Variants in PKNOX2 observed in about 807,000 individuals in gnomAD.
PKNOX2 encodes PBX/knotted 1 homeobox 2.
PKNOX2 carries 14 observed loss-of-function variants against 53.1 expected under a neutral mutation model. The ratio of observed to expected loss-of-function variants is 0.26; its 90% confidence interval spans 0.17 to 0.41. PKNOX2 has a LOEUF of 0.41. Ranked by LOEUF, PKNOX2 falls within the 10% of genes least tolerant of loss-of-function variation. The probability of loss-of-function intolerance (pLI) is 1.00; values close to 1 mark genes in which losing one functional copy is unlikely to be tolerated. For missense variants in PKNOX2, 496 were observed against 602.8 expected, an observed-to-expected ratio of 0.82 and a Z score of 1.85; for synonymous variants, 257 against 242.8, an observed-to-expected ratio of 1.06 and a Z score of -0.54.
chr11:125,410,813 C>G lies in PKNOX2; in HGVS notation c.753C>G (p.Thr251=). ...TATACCAACCGGTTACCATGGTAAC[C>G]TCCCAGGGTCAGGTGGTCACCCAAG... is the stretch of plus-strand genomic sequence containing the variant. ...GALYQPVTMV[T]SQGQVVTQAI... The change falls in exon 9 of 13, where the codon ACC becomes ACG. Residue 251 remains threonine (T), a synonymous_variant. Coordinates refer to ENST00000298282, the MANE Select transcript of PKNOX2 (RefSeq NM_001382323.2). The G allele has an allele frequency of 6.2e-7, 1 of 1,614,096 alleles. No homozygotes were observed. The highest frequency in any genetic ancestry group is 1.1e-5 in the South Asian group (1 of 91,076).
chr11:125,180,882 T>C lies in PKNOX2; in HGVS notation c.-201+16106T>C, dbSNP rs566625957. Among the ~76,000 whole-genome samples the C allele has an allele frequency of 3.3e-5, 5 of 152,338 alleles. No homozygotes were observed. In the East Asian group the frequency reaches 9.6e-4, roughly 29 times the overall value. ...CACGAGGTAAAATGAATGTTTTCTG[T>C]CAAGGTCAATCCACAGGAAATGATT... On this transcript the variant is annotated intron_variant, in intron 1 of 12. Coordinates refer to ENST00000298282, the MANE Select transcript of PKNOX2 (RefSeq NM_001382323.2).
chr11:125,259,653 T>G (rs910579330), intron 2 of PKNOX2, among the ~76,000 whole-genome samples: 1 of 152,186 alleles, frequency 6.6e-6, no homozygotes, highest in African/African-American at 2.4e-5. Flanking sequence ...CCTTGGCATG[T>G]CTTCCTTTGG....
intron 1 of PKNOX2, among the ~76,000 whole-genome samples, chr11:125,195,387 A>G (rs1957117480): frequency 6.6e-6 from 1 of 152,138 alleles, no homozygotes; most frequent in Non-Finnish European, 1.5e-5. Flanking sequence ...TATAAAACGA[A>G]AAGTTTTTAG....
intron 2 of PKNOX2, among the ~76,000 whole-genome samples, chr11:125,307,649 T>G (rs1189826560): frequency 1.3e-5 from 2 of 152,228 alleles, no homozygotes; most frequent in East Asian, 3.8e-4. Context: ...GTGTTCGATA[T>G]GTCCCTTAGG....
chr11:125,299,412 G>A (rs867427016), intron 2 of PKNOX2, among the ~76,000 whole-genome samples: 3 of 151,692 alleles, frequency 2.0e-5, no homozygotes, highest in East Asian at 2.0e-4. Context: ...GGCACAAGAC[G>A]AGGAGCCAGC....
intron 3 of PKNOX2, among the ~76,000 whole-genome samples, chr11:125,342,576 G>T (rs1402209939): frequency 6.6e-6 from 1 of 152,196 alleles, no homozygotes; most frequent in East Asian, 1.9e-4. Context: ...GTCTGTCTCT[G>T]TTGAGTTGTG....
At chr11:125,259,499 G>T (rs895036611) in intron 2 of PKNOX2, among the ~76,000 whole-genome samples, 5 of 152,166 alleles carry the variant, frequency 3.3e-5, no homozygotes, top group Admixed American at 2.6e-4. Flanking sequence ...GGCACCCTAA[G>T]TACCTCTGTT....
Position 125,372,950 on chromosome 11 carries a change from C to T in PKNOX2, c.227+4965C>T, listed in dbSNP as rs76330404. ...GTTTATAATGCACTTGTTTCTGTCT[C>T]ATGCAGACTGGATGGCAGAATCCAC... is the stretch of plus-strand genomic sequence containing the variant. On this transcript the variant is annotated intron_variant, in intron 5 of 12. Coordinates refer to ENST00000298282, the MANE Select transcript of PKNOX2 (RefSeq NM_001382323.2). 0.013 allele frequency among the ~76,000 whole-genome samples: 1,919 copies of T among 152,310 alleles called. 119 individuals carry two copies. In the East Asian group the frequency reaches 0.2, roughly 16 times the overall value.
At chr11:125,301,494 A>G (rs1948067140) in intron 2 of PKNOX2, among the ~76,000 whole-genome samples, 1 of 152,008 alleles carries the variant, frequency 6.6e-6, no homozygotes, top group Admixed American at 6.6e-5. Flanking sequence ...CAGACAGAGT[A>G]AAGAGAGAAT....
intron 2 of PKNOX2, among the ~76,000 whole-genome samples, chr11:125,312,298 G>A (rs894804211): frequency 6.6e-6 from 1 of 152,166 alleles, no homozygotes; most frequent in Admixed American, 6.5e-5. Flanking sequence ...GTTTCCTGAA[G>A]CTCACTATCA....
intron 1 of PKNOX2, among the ~76,000 whole-genome samples, chr11:125,219,865 A>T (rs1940943437): frequency 6.6e-6 from 1 of 152,242 alleles, no homozygotes; most frequent in South Asian, 2.1e-4. Context: ...GATAAATCAT[A>T]TGCCTTTGAC....
chr11:125,349,837 T>TCACACACACACA (rs60332384), intron 3 of PKNOX2, among the ~76,000 whole-genome samples: 10 of 138,040 alleles, frequency 7.2e-5, no homozygotes, highest in Non-Finnish European at 1.4e-4. Context: ...ACCAAAAGAA[T>TCACACACACACA]CACACACACA....
At chr11:125,342,966 T>A (rs1298358273) in intron 3 of PKNOX2, among the ~76,000 whole-genome samples, 1 of 152,044 alleles carries the variant, frequency 6.6e-6, no homozygotes, top group Non-Finnish European at 1.5e-5. Context: ...ACTCTTGTTG[T>A]TTGGCTAGAG....
intron 4 of PKNOX2, 83 bp downstream of exon 4, chr11:125,351,475 C>T: frequency 1.1e-6 from 1 of 898,242 alleles, no homozygotes; most frequent in African/African-American, 1.7e-5. Flanking sequence ...CTGGGACATT[C>T]CAGGGGCCGA....
At chr11:125,344,235 C>T (rs1208646623) in intron 3 of PKNOX2, among the ~76,000 whole-genome samples, 1 of 152,138 alleles carries the variant, frequency 6.6e-6, no homozygotes, top group South Asian at 2.1e-4. Flanking sequence ...GTTGGCCCGA[C>T]CACAGTGAGG....
chr11:125,349,609 C>T (rs1050880324), intron 3 of PKNOX2, among the ~76,000 whole-genome samples: 1 of 152,146 alleles, frequency 6.6e-6, no homozygotes, highest in African/African-American at 2.4e-5. Context: ...CATTTTCTTC[C>T]TTCCTTTAGG....
intron 3 of PKNOX2, among the ~76,000 whole-genome samples, chr11:125,333,553 C>T (rs1032320535): frequency 2.7e-5 from 4 of 147,682 alleles, no homozygotes; most frequent in African/African-American, 7.7e-5. Context: ...CACACATACA[C>T]ACACACACAC....
intron 7 of PKNOX2, among the ~76,000 whole-genome samples, chr11:125,406,818 G>A (rs940916776): frequency 4.6e-5 from 7 of 150,568 alleles, no homozygotes; most frequent in East Asian, 3.9e-4. Flanking sequence ...CATACTCAGC[G>A]TGTACGATCT....
chr11:125,289,673 A>C (rs1312036690), intron 2 of PKNOX2, among the ~76,000 whole-genome samples: 1 of 152,190 alleles, frequency 6.6e-6, no homozygotes, highest in Non-Finnish European at 1.5e-5. Context: ...TCCTAAAAAC[A>C]AACAAAAAAC....
Sources: allele counts gnomAD v4.1 joint callset (sites outside exome capture counted in the v4.1 genomes callset), GRCh38; gene constraint gnomAD v4.1.1; transcripts MANE v1.5; gene names NCBI Gene and HGNC (gene_info 2026-07-23, HGNC 2026-07-21).